KCNT2: variants seen among roughly 807,000 people sequenced by gnomAD.
The protein encoded by KCNT2 is potassium channel subfamily T member 2.
KCNT2 carries 67 observed loss-of-function variants against 153.8 expected under a neutral mutation model. The observed-to-expected ratio is 0.44, with a 90% confidence interval of 0.36 to 0.53. The LOEUF (loss-of-function observed/expected upper bound fraction) is 0.53. Ranked by LOEUF, KCNT2 falls within the 20% of genes least tolerant of loss-of-function variation. The probability of loss-of-function intolerance (pLI) is 0.00; values close to 1 mark genes in which losing one functional copy is unlikely to be tolerated. For synonymous variants in KCNT2, 500 were observed against 458.8 expected (o/e 1.09, Z -1.15); for missense variants, 975 against 1,354.8 (o/e 0.72, Z 4.40).
In KCNT2 at chr1:196,322,614, A is replaced by G. The variant is rs1663435768; in HGVS notation, c.2277-3059T>C. On this transcript the variant is annotated intron_variant, in intron 19 of 27. Transcript: ENST00000294725. ...TCTCATAGCAAAAGTTGCCATCCAA[A>G]TATTAGTCAGTGACTGTTAGGAAGT... Among the ~76,000 whole-genome samples the G allele has an allele frequency of 1.3e-5, 2 of 151,874 alleles. 1 individual carries two copies. Among genetic ancestry groups the G allele is most frequent in the South Asian group, 4.1e-4 (2 of 4,830 alleles).
intron 1 of KCNT2, among the ~76,000 whole-genome samples, chr1:196,573,230 A>C (rs1324928144): frequency 6.6e-6 from 1 of 152,128 alleles, no homozygotes; most frequent in Non-Finnish European, 1.5e-5. Context: ...AAGCATACTA[A>C]AAAAGAGAGA....
chr1:196,401,480 A>T (rs1054463189), intron 12 of KCNT2, among the ~76,000 whole-genome samples: 3 of 151,780 alleles, frequency 2.0e-5, no homozygotes, highest in African/African-American at 7.2e-5. Context: ...TTTGTAATAA[A>T]AAAAAGAAAA....
intron 1 of KCNT2, among the ~76,000 whole-genome samples, chr1:196,510,884 A>G (rs957198737): frequency 6.6e-6 from 1 of 152,152 alleles, no homozygotes; most frequent in African/African-American, 2.4e-5. Flanking sequence ...CTTTTATTAG[A>G]TGCCTATTAA....
intron 13 of KCNT2, among the ~76,000 whole-genome samples, chr1:196,397,826 T>C (rs1414945495): frequency 6.6e-6 from 1 of 151,496 alleles, no homozygotes; most frequent in East Asian, 1.9e-4. Flanking sequence ...TATTACATTT[T>C]AATGACTTTT....
intron 13 of KCNT2, among the ~76,000 whole-genome samples, chr1:196,381,649 T>G (rs931066274): frequency 6.6e-6 from 1 of 152,118 alleles, no homozygotes; most frequent in African/African-American, 2.4e-5. Context: ...TAACCAGCAC[T>G]TAAAATAGGT....
chr1:196,389,948 G>A (rs1453779378), intron 13 of KCNT2, among the ~76,000 whole-genome samples: 1 of 151,598 alleles, frequency 6.6e-6, no homozygotes, highest in Non-Finnish European at 1.5e-5. Flanking sequence ...TCTGAGCACT[G>A]AGAATTGTTC....
intron 14 of KCNT2, among the ~76,000 whole-genome samples, chr1:196,364,286 T>C (rs565305430): frequency 6.6e-6 from 1 of 152,258 alleles, no homozygotes; most frequent in African/African-American, 2.4e-5. Context: ...ATTAAAAGGT[T>C]TTTAAAATGT....
At chr1:196,561,111 G>C (rs1463922720) in intron 1 of KCNT2, among the ~76,000 whole-genome samples, 1 of 151,640 alleles carries the variant, frequency 6.6e-6, no homozygotes, top group Admixed American at 6.6e-5. Context: ...GAGTAGTTTT[G>C]AAATGTTCTT....
intron 1 of KCNT2, among the ~76,000 whole-genome samples, chr1:196,544,585 A>T (rs1338244878): frequency 6.6e-6 from 1 of 152,200 alleles, no homozygotes; most frequent in Non-Finnish European, 1.5e-5. Flanking sequence ...TGCATTTAGA[A>T]GGATGAAAGG....
At chr1:196,538,559 T>C (rs1009596896) in intron 1 of KCNT2, among the ~76,000 whole-genome samples, 1 of 152,126 alleles carries the variant, frequency 6.6e-6, no homozygotes, top group Non-Finnish European at 1.5e-5. Context: ...TTACAGACAA[T>C]AGTGGCTATG....
chr1:196,550,365 C>G (rs955413099), intron 1 of KCNT2, among the ~76,000 whole-genome samples: 4 of 151,852 alleles, frequency 2.6e-5, no homozygotes, highest in African/African-American at 9.7e-5. Context: ...GCTTCAAGCA[C>G]CATGTGTAAG....
rs575190224 is a variant in KCNT2, at chr1:196,544,569, T to C, written c.96-52228A>G. On this transcript the variant is annotated intron_variant, in intron 1 of 27. Transcript: ENST00000294725. The stretch of plus-strand genomic sequence containing the variant: ...AAACAGGAGTTGTTTTACTCGTAAA[T>C]GGGATTGCATTTAGAAGGATGAAAG... 3.3e-3 allele frequency among the ~76,000 whole-genome samples: 507 copies of C among 152,230 alleles called. 2 individuals carry two copies. Among genetic ancestry groups the C allele is most frequent in the Admixed American group, 6.8e-3 (104 of 15,264 alleles).
chr1:196,360,470 G>T (rs1276107112), intron 14 of KCNT2, among the ~76,000 whole-genome samples: 1 of 152,066 alleles, frequency 6.6e-6, no homozygotes, highest in Non-Finnish European at 1.5e-5. Context: ...CCCACCTCCA[G>T]GGTGTTCCTC....
At chr1:196,483,871 A>AT (rs1284425988) in intron 3 of KCNT2, among the ~76,000 whole-genome samples, 1 of 152,214 alleles carries the variant, frequency 6.6e-6, no homozygotes, top group Non-Finnish European at 1.5e-5. Context: ...ACCTGCATAT[A>AT]TTAAACTAGG....
intron 8 of KCNT2, among the ~76,000 whole-genome samples, chr1:196,458,095 A>G (rs1264969675): frequency 6.6e-6 from 1 of 151,924 alleles, no homozygotes. Context: ...TACCTGCTAC[A>G]ATGTCATATA....
chr1:196,397,670 A>T (rs16839875), intron 13 of KCNT2, among the ~76,000 whole-genome samples: 3,031 of 151,598 alleles, frequency 0.02, 99 homozygotes, highest in African/African-American at 0.069. Context: ...AATAGCAACC[A>T]TTTCATAATT....
intron 1 of KCNT2, among the ~76,000 whole-genome samples, chr1:196,605,179 GC>G (rs1459655604): frequency 6.6e-6 from 1 of 152,142 alleles, no homozygotes; most frequent in Non-Finnish European, 1.5e-5. Flanking sequence ...CAAGGATGTG[GC>G]TCTCTACATC....
intron 8 of KCNT2, among the ~76,000 whole-genome samples, chr1:196,431,300 G>A (rs887886227): frequency 6.6e-6 from 1 of 152,096 alleles, no homozygotes; most frequent in South Asian, 2.1e-4. Context: ...ACCTAAAAAT[G>A]TGGAAGCAGC....
At chr1:196,252,203 C>A (rs1410116329) in intron 26 of KCNT2, among the ~76,000 whole-genome samples, 5 of 151,546 alleles carry the variant, frequency 3.3e-5, no homozygotes, top group African/African-American at 1.2e-4. Context: ...TTAGTTATAT[C>A]ATTTTGGTTT....
Sources: gnomAD v4.1 joint callset for allele counts (sites outside exome capture counted in the v4.1 genomes callset) on GRCh38, gnomAD v4.1.1 for gene constraint, MANE v1.5 for transcripts, NCBI Gene and HGNC (gene_info 2026-07-23, HGNC 2026-07-21) for gene names.